The following MATN2 variants were observed in gnomAD, a reference collection of about 807,000 sequenced individuals.
The protein encoded by MATN2 is matrilin-2.
MATN2 carries 69 observed loss-of-function variants against 103.2 expected under a neutral mutation model. The observed-to-expected ratio is 0.67, with a 90% CI of 0.55 to 0.82. MATN2 has a LOEUF of 0.82. MATN2 is among the 40% of genes least tolerant of loss of function. MATN2 has a pLI of 0.00. For synonymous variants in MATN2, 429 were observed against 450.2 expected, an observed-to-expected ratio of 0.95 and a Z score of 0.60; for missense variants, 1,023 against 1,211.5, an observed-to-expected ratio of 0.84 and a Z score of 2.31.
chr8:97,886,151 C>T lies in MATN2; in HGVS notation c.-26-1924C>T, dbSNP rs148483116. On this transcript the variant is annotated intron_variant, in intron 1 of 18. Coordinates refer to ENST00000254898, the MANE Select transcript of MATN2 (RefSeq NM_002380.5). The stretch of plus-strand genomic sequence containing the variant: ...CTTATGAGAATCTAATGCCTGATGA[C>T]CTGTCACTGTCTCCCGTCACTCCCA... Among the ~76,000 whole-genome samples the T allele has an allele frequency of 1.8e-3, 267 of 152,196 alleles. No individual in the cohort carries two copies. In the South Asian group the frequency reaches 0.018, roughly 10 times the overall value.
chr8:97,990,940 T>G (rs1005388129), intron 6 of MATN2, among the ~76,000 whole-genome samples: 4 of 152,156 alleles, frequency 2.6e-5, no homozygotes, highest in Non-Finnish European at 4.4e-5. Context: ...TGGCGATGGT[T>G]TCATGGCAGG....
At chr8:97,986,873 C>T (rs138119210) in intron 6 of MATN2, among the ~76,000 whole-genome samples, 3,151 of 152,190 alleles carry the variant, frequency 0.021, 119 homozygotes, top group African/African-American at 0.072. Context: ...CGCTCTGTGG[C>T]CCAGGCTGGA....
chr8:97,934,548 G>C lies in MATN2; in HGVS notation c.712+3026G>C, dbSNP rs548297590. 2.4e-4 allele frequency among the ~76,000 whole-genome samples: 37 copies of C among 152,300 alleles called. No homozygotes were observed. In the South Asian group the frequency reaches 7.0e-3, roughly 29 times the overall value. ...ATTCATTGAACCTGTAAACCAAAAA[G>C]TATCTGAGACAAGTCCCAATCAATG... On this transcript the variant is annotated intron_variant, in intron 3 of 18. Coordinates refer to ENST00000254898, the MANE Select transcript of MATN2 (RefSeq NM_002380.5).
chr8:97,874,573 A>T lies in MATN2; in HGVS notation c.-27+5286A>T, dbSNP rs187834927. ...GGATTGTGCCACCATGTCTGGCTAA[A>T]TTTTTTTTTAATTTTAATTTTTTGT... On this transcript the variant is annotated intron_variant, in intron 1 of 18. Coordinates refer to ENST00000254898, the MANE Select transcript of MATN2 (RefSeq NM_002380.5). 1.9e-3 allele frequency among the ~76,000 whole-genome samples: 284 copies of T among 150,530 alleles called. 1 individual carries two copies. Among genetic ancestry groups the T allele is most frequent in the Middle Eastern group, 6.8e-3 (2 of 294 alleles).
chr8:98,006,608 T>G (rs1812978820), intron 8 of MATN2, among the ~76,000 whole-genome samples: 1 of 152,210 alleles, frequency 6.6e-6, no homozygotes, highest in Admixed American at 6.5e-5. Context: ...GTGGCTTTGA[T>G]CTTGACCTTC....
At chr8:97,902,325 G>A (rs1401006712) in intron 2 of MATN2, among the ~76,000 whole-genome samples, 8 of 151,132 alleles carry the variant, frequency 5.3e-5, no homozygotes, top group East Asian at 2.0e-4. Context: ...GTGAAACCCC[G>A]TCTCTACTAA....
intron 6 of MATN2, among the ~76,000 whole-genome samples, chr8:97,989,793 T>G (rs2130343062): frequency 6.6e-6 from 1 of 152,284 alleles, no homozygotes; most frequent in African/African-American, 2.4e-5. Context: ...TAATAGCAAG[T>G]GAATTTATCA....
intron 7 of MATN2, among the ~76,000 whole-genome samples, chr8:98,003,161 C>T (rs1345293743): frequency 6.6e-6 from 1 of 152,020 alleles, no homozygotes; most frequent in South Asian, 2.1e-4. Flanking sequence ...CCCTCATCCC[C>T]GGGCATTTGT....
In MATN2 at chr8:97,962,364, A is replaced by G. The variant is rs529198786; in HGVS notation, c.958+834A>G. 8.5e-5 allele frequency among the ~76,000 whole-genome samples: 13 copies of G among 152,368 alleles called. No homozygotes were observed. In the East Asian group the frequency reaches 2.3e-3, roughly 27 times the overall value. On this transcript the variant is annotated intron_variant, in intron 5 of 18. Transcript: ENST00000254898. ...CTATTTTATTTTGCTTCGCACAAAC[A>G]GGGTATGCTTATATTTTTGCACATA...
At position 97,946,220 on chromosome 8, in the gene MATN2, T is replaced by C. The variant is rs545782152; in HGVS notation, c.835+4321T>C. ...CCCTCTTCTGGGTGGATATTAGTTGTCTAAAAAGGGCCTTTCCATTCGAAG... is the reference window on the plus strand; with the variant it reads ...CCCTCTTCTGGGTGGATATTAGTTGCCTAAAAAGGGCCTTTCCATTCGAAG... On this transcript the variant is annotated intron_variant, in intron 4 of 18. Transcript: ENST00000254898. 2.3e-4 allele frequency among the ~76,000 whole-genome samples: 35 copies of C among 152,334 alleles called. 1 individual carries two copies. In the South Asian group the frequency reaches 7.0e-3, roughly 31 times the overall value.
At chr8:97,886,346 GT>G (rs1165346611) in intron 1 of MATN2, among the ~76,000 whole-genome samples, 1 of 152,170 alleles carries the variant, frequency 6.6e-6, no homozygotes, top group Non-Finnish European at 1.5e-5. Flanking sequence ...CCACAGCTGG[GT>G]CTGTGGAAAA....
intron 7 of MATN2, among the ~76,000 whole-genome samples, chr8:97,998,874 AT>A (rs1398170543): frequency 6.6e-6 from 1 of 152,166 alleles, no homozygotes; most frequent in Admixed American, 6.5e-5. Context: ...CATTTTAACC[AT>A]TTTTAAGTAT....
chr8:97,891,335 ATTATT>A (rs1036769037), intron 2 of MATN2, among the ~76,000 whole-genome samples: 4 of 151,938 alleles, frequency 2.6e-5, no homozygotes, highest in African/African-American at 9.7e-5. Context: ...TTTTTATTTT[ATTATT>A]TTATTTTATT....
At chr8:97,974,448 T>C (rs1811767059) in intron 5 of MATN2, among the ~76,000 whole-genome samples, 1 of 151,690 alleles carries the variant, frequency 6.6e-6, no homozygotes, top group Non-Finnish European at 1.5e-5. Context: ...TTTGTTTTTT[T>C]GTTTTGTTTT....
At chr8:97,988,189 T>TATATATATATATACACACACAC in intron 6 of MATN2, among the ~76,000 whole-genome samples, 2 of 54,966 alleles carry the variant, frequency 3.6e-5, no homozygotes, top group East Asian at 5.7e-4. Context: ...TATATATATA[T>TATATATATATATACACACACAC]ACACACACAC....
intron 2 of MATN2, among the ~76,000 whole-genome samples, chr8:97,924,570 T>C (rs1809922580): frequency 6.6e-6 from 1 of 152,184 alleles, no homozygotes; most frequent in Admixed American, 6.5e-5. Flanking sequence ...CCGTCACACC[T>C]GTCCCGTCCT....
chr8:98,018,118 T>C lies in MATN2; in HGVS notation c.1819+2T>C. 6 of 1,613,632 alleles carry C rather than the reference T, an allele frequency of 3.7e-6. No homozygotes were observed. The highest frequency in any genetic ancestry group is 5.1e-6 in the Non-Finnish European group (6 of 1,179,640). ...CTGAGGATGGGAAACGCTGCCGAAG[T>C]AAGTAGCCTCGAGGTGGAGAAGAAC... is the stretch of plus-strand genomic sequence containing the variant. On this transcript the variant is annotated splice_donor_variant, in intron 12 of 18. Coordinates refer to ENST00000254898, the MANE Select transcript of MATN2 (RefSeq NM_002380.5). LOFTEE classifies it high-confidence loss of function.
chr8:98,027,850 G>A (rs375325052), intron 14 of MATN2, 21 bp downstream of exon 14: 102 of 1,526,222 alleles, frequency 6.7e-5, no homozygotes, highest in Admixed American at 2.4e-4. Context: ...GTGGAGGTGC[G>A]GTTTACACCA....
In MATN2 at chr8:98,029,532, CT is replaced by C. The variant is rs568523697; in HGVS notation, c.2357-928del. Among the ~76,000 whole-genome samples the C allele has an allele frequency of 4.5e-3, 680 of 152,258 alleles. 6 individuals are homozygous for C. The highest frequency in any genetic ancestry group is 0.014 in the African/African-American group (571 of 41,546). On this transcript the variant is annotated intron_variant, in intron 14 of 18. Transcript: ENST00000254898. ...ACATCCTCTTATGAATTTAACTAGT[CT>C]TATGTATAGCAAACAGAATCTTAAA...
Sources: allele counts gnomAD v4.1 joint callset (sites outside exome capture counted in the v4.1 genomes callset), GRCh38; gene constraint gnomAD v4.1.1; transcripts MANE v1.5; gene names NCBI Gene and HGNC (gene_info 2026-07-23, HGNC 2026-07-21).